SPATA24: variants seen among roughly 807,000 people sequenced by gnomAD.
SPATA24 encodes the protein spermatogenesis-associated protein 24.
SPATA24 carries 21 observed loss-of-function variants against 28.9 expected under a neutral mutation model. That is an observed-to-expected ratio of 0.73 (90% confidence interval 0.52 to 1.05). SPATA24 has a LOEUF of 1.05. SPATA24 is among the 50% of genes least tolerant of loss of function. SPATA24 has a pLI of 0.00. For missense variants in SPATA24, 215 were observed against 242.9 expected (o/e 0.88, Z 0.76); for synonymous variants, 76 against 89.9 (o/e 0.85, Z 0.88).
In SPATA24 at chr5:139,402,051, G is replaced by A. The variant is rs1283190597; in HGVS notation, c.184-6C>T. The A allele has an allele frequency of 6.4e-7, 1 of 1,550,576 alleles. No individual in the cohort carries two copies. Among genetic ancestry groups the A allele is most frequent in the Non-Finnish European group, 8.7e-7 (1 of 1,146,786 alleles). ...GCATGGGCAGCTTTCTCTTCCTGCA[G>A]GGGCAGCAGCAGTCACCTCATTACC... On this transcript the variant is annotated splice_polypyrimidine_tract_variant and splice_region_variant and intron_variant, in intron 2 of 5. Transcript: ENST00000450845.
chr5:139,394,847 G>T, downstream of SPATA24: 1 of 1,531,206 alleles, frequency 6.5e-7, no homozygotes, highest in South Asian at 1.2e-5. Flanking sequence ...TGCCGCTGGC[G>T]GCTATTCTGG....
chr5:139,403,051 T>C (rs1273947753), intron 1 of SPATA24, among the ~76,000 whole-genome samples: 2 of 152,090 alleles, frequency 1.3e-5, no homozygotes, highest in Admixed American at 1.3e-4. Flanking sequence ...CTGACTGCTA[T>C]ATAGGGTGGG....
chr5:139,396,393 G>A (rs1447362475), downstream of SPATA24: 7 of 985,296 alleles, frequency 7.1e-6, no homozygotes, highest in Non-Finnish European at 8.4e-6. Flanking sequence ...GTGTCAGCAG[G>A]TGCAAATGCA....
chr5:139,402,409 T>A (rs534494098), intron 2 of SPATA24, among the ~76,000 whole-genome samples: 36 of 150,102 alleles, frequency 2.4e-4, no homozygotes, highest in African/African-American at 6.7e-4. Context: ...ATATATATAT[T>A]TTTTTGTATT....
intron 4 of SPATA24, among the ~76,000 whole-genome samples, chr5:139,400,833 C>T (rs1364497544): frequency 6.6e-6 from 1 of 152,014 alleles, no homozygotes; most frequent in Non-Finnish European, 1.5e-5. Context: ...AATCAACTGC[C>T]AACACTAAAA....
downstream of SPATA24, chr5:139,393,115 C>T: frequency 1.3e-6 from 2 of 1,526,868 alleles, no homozygotes; most frequent in East Asian, 2.5e-5. Context: ...CTCCTCCCCG[C>T]AGGGGTCGGC....
At chr5:139,393,065 GC>G, downstream of SPATA24, 1 of 1,529,300 alleles carries the variant, frequency 6.5e-7, no homozygotes, top group Non-Finnish European at 8.8e-7. Flanking sequence ...GGGGCGGGGG[GC>G]CCCAGTGCTG....
Position 139,402,209 on chromosome 5 carries a change from TTTTTC to T in SPATA24, c.184-169_184-165del, listed in dbSNP as rs1317118770. ...GAGGTTCTCAGAGGCCGACCTTTCT[TTTTTC>T]TTTTTTCTTTTTTTTTTTAGACAGA... On this transcript the variant is annotated intron_variant, in intron 2 of 5. Transcript: ENST00000450845. Among the ~76,000 whole-genome samples, 14 of 151,002 alleles carry T rather than the reference TTTTTC, an allele frequency of 9.3e-5. 1 individual carries two copies. Among genetic ancestry groups the T allele is most frequent in the Non-Finnish European group, 1.9e-4 (13 of 67,734 alleles).
At chr5:139,394,483 G>T, downstream of SPATA24, 1 of 1,422,880 alleles carries the variant, frequency 7.0e-7, no homozygotes, top group South Asian at 1.5e-5. Flanking sequence ...CCGGGGCCTG[G>T]CGGGCGCGGC....
chr5:139,393,276 C>T, downstream of SPATA24: 1 of 1,549,988 alleles, frequency 6.5e-7, no homozygotes, highest in Non-Finnish European at 8.7e-7. Context: ...CTTCCGGGCA[C>T]TTATCCGCGT....
At chr5:139,393,950 T>A (rs749851108), downstream of SPATA24, 47 of 1,550,658 alleles carry the variant, frequency 3.0e-5, no homozygotes, top group Non-Finnish European at 3.9e-5. Context: ...GAGGGGATCC[T>A]ACACTCAAAA....
At position 139,397,047 on chromosome 5, in the gene SPATA24, A is replaced by T; in HGVS notation, c.482T>A (p.Ile161Asn). The change falls in exon 5 of 6, where the codon ATC (isoleucine) becomes AAC (asparagine). Residue 161 changes from isoleucine (I) to asparagine (N), a missense_variant. Transcript: ENST00000450845. ...LQQVISQQKQ[I>N]FRNHMSDFRI... ...CCGGGCCCAGACCCCTCACCTGAAG[A>T]TCTGTTTCTGCTGGCTGATAACTTG... is the stretch of plus-strand genomic sequence containing the variant. 2 of 1,551,658 alleles carry T rather than the reference A, an allele frequency of 1.3e-6. No individual in the cohort carries two copies. Among genetic ancestry groups the T allele is most frequent in the Non-Finnish European group, 1.7e-6 (2 of 1,146,972 alleles).
chr5:139,398,670 C>T lies in SPATA24; in HGVS notation c.386-1527G>A, dbSNP rs527883780. On this transcript the variant is annotated intron_variant, in intron 4 of 5. Transcript: ENST00000450845. Reference sequence around the variant, plus strand: ...GGGGGTGCTTCATTTACATAACTGCCCCACATGGCACCTTGGAAAATTCTG... The same window carrying T: ...GGGGGTGCTTCATTTACATAACTGCTCCACATGGCACCTTGGAAAATTCTG... 1.3e-4 allele frequency among the ~76,000 whole-genome samples: 20 copies of T among 152,184 alleles called. No individual in the cohort carries two copies. The South Asian group carries it at 4.2e-3, about 32-fold the overall frequency.
At position 139,402,004 on chromosome 5, in the gene SPATA24, G is replaced by A; in HGVS notation, c.225C>T (p.Ala75=). The stretch of plus-strand genomic sequence containing the variant: ...CAAACTGTAACTTCTCCTCTTCCTT[G>A]GCCAGGAGGACCTTGGTTTTGGCAT... ...AAHAKTKVLL[A]KEEEKLQFAL... The change falls in exon 3 of 6, where the codon GCC becomes GCT. Residue 75 remains alanine, a synonymous_variant. Coordinates refer to ENST00000450845, the MANE Select transcript of SPATA24 (RefSeq NM_194296.2). 1 of 1,551,410 alleles carries A rather than the reference G, an allele frequency of 6.4e-7. No individual in the cohort carries two copies. The highest frequency in any genetic ancestry group is 8.7e-7 in the Non-Finnish European group (1 of 1,146,948).
At chr5:139,401,850 G>C (rs1243282682) in intron 3 of SPATA24, 25 bp from the exon 4 acceptor site, 1 of 1,547,932 alleles carries the variant, frequency 6.5e-7, no homozygotes, top group Admixed American at 2.0e-5. Flanking sequence ...TAAGATGGGA[G>C]GGTGGGCAGG....
At chr5:139,395,004 G>A (rs950748823), downstream of SPATA24, 19 of 1,481,608 alleles carry the variant, frequency 1.3e-5, no homozygotes, top group African/African-American at 2.7e-4. Context: ...AACCGGAGGA[G>A]TCCTGGCGCC....
At position 139,401,991 on chromosome 5, in the gene SPATA24, T is replaced by G; in HGVS notation, c.238A>C (p.Lys80Gln). Reference protein sequence around the residue: ...TKVLLAKEEEKLQFALGEVEV... With the variant: ...TKVLLAKEEEQLQFALGEVEV... The stretch of plus-strand genomic sequence containing the variant: ...ACCTCTCCGAGGGCAAACTGTAACT[T>G]CTCCTCTTCCTTGGCCAGGAGGACC... The change falls in exon 3 of 6, where the codon AAG becomes CAG. Residue 80 changes from lysine (K) to glutamine (Q), a missense_variant. Lys to Gln is a moderately conservative substitution (Grantham distance 53, BLOSUM62 1). Coordinates refer to ENST00000450845, the MANE Select transcript of SPATA24 (RefSeq NM_194296.2). The G allele has an allele frequency of 1.3e-6, 2 of 1,551,640 alleles. No homozygotes were observed. The highest frequency in any genetic ancestry group is 1.7e-6 in the Non-Finnish European group (2 of 1,146,970).
At chr5:139,394,747 T>A (rs911277279), downstream of SPATA24, 6 of 1,533,832 alleles carry the variant, frequency 3.9e-6, no homozygotes, top group African/African-American at 8.4e-5. Flanking sequence ...GAAGATGACT[T>A]CCATCTCCCC....
rs975516588 is a variant in SPATA24 at position 139,397,148 on chromosome 5, G to C, written c.386-5C>G. 6.5e-6 allele frequency: 10 copies of C among 1,549,172 alleles called. No individual in the cohort carries two copies. In the East Asian group the frequency reaches 1.2e-4, roughly 19 times the overall value. On this transcript the variant is annotated splice_region_variant and splice_polypyrimidine_tract_variant and intron_variant, in intron 4 of 5. Transcript: ENST00000450845. The stretch of plus-strand genomic sequence containing the variant: ...TTATAATGTGAGACTCAATCTCTGT[G>C]GGGGAGAGAGGCAGGGAGGAGGGGT...
Sources: allele counts gnomAD v4.1 joint callset (sites outside exome capture counted in the v4.1 genomes callset), GRCh38; gene constraint gnomAD v4.1.1; transcripts MANE v1.5; gene names NCBI Gene and HGNC (gene_info 2026-07-23, HGNC 2026-07-21).